Variants in PCDH11X observed in about 807,000 individuals in gnomAD.
PCDH11X encodes protocadherin-11 X-linked.
In PCDH11X, 18 loss-of-function variants were observed where a neutral mutation model predicts 53.3. That is an observed-to-expected ratio of 0.34 (90% CI 0.23 to 0.50). The LOEUF (loss-of-function observed/expected upper bound fraction) is 0.50, where lower values mean the gene tolerates loss of function less well. PCDH11X is among the 20% of genes least tolerant of loss of function. The probability of loss-of-function intolerance (pLI) is 0.98; values close to 1 mark genes in which losing one functional copy is unlikely to be tolerated. For synonymous variants in PCDH11X, 279 were observed against 393.3 expected (o/e 0.71, Z 3.44); for missense variants, 570 against 1,032.4 (o/e 0.55, Z 6.14).
chrX:91,918,802 T>A (rs1290871625), intron 6 of PCDH11X, among the ~76,000 whole-genome samples: 7 of 111,360 alleles, frequency 6.3e-5, no homozygotes, highest in Non-Finnish European at 1.9e-5. Context: ...TTTTAAAAAA[T>A]TTTTATGAGC....
chrX:92,555,698 G>A (rs1305822880), intron 10 of PCDH11X, among the ~76,000 whole-genome samples: 2 of 111,068 alleles, frequency 1.8e-5, no homozygotes, highest in Non-Finnish European at 3.8e-5. Context: ...GATAGCACTT[G>A]CATTACCATC....
At chrX:92,246,597 T>C (rs56933215) in intron 7 of PCDH11X, among the ~76,000 whole-genome samples, 14,548 of 110,922 alleles carry the variant, frequency 0.13, 1,572 homozygotes, top group African/African-American at 0.35. Flanking sequence ...GTGATCCACC[T>C]GCCTCAGCCT....
At chrX:91,924,630 CTT>C (rs1470035149) in intron 6 of PCDH11X, among the ~76,000 whole-genome samples, 1 of 111,861 alleles carries the variant, frequency 8.9e-6, no homozygotes, top group Admixed American at 9.5e-5. Flanking sequence ...TAATTTTTGA[CTT>C]TTAACCTATT....
rs3900264 is a variant in PCDH11X, at chrX:91,847,328, A to G, written c.540+11284A>G. Among the ~76,000 whole-genome samples, 127 of 110,664 alleles carry G rather than the reference A, an allele frequency of 1.1e-3. 1 individual carries two copies. The highest frequency in any genetic ancestry group is 3.8e-4 in the Non-Finnish European group (20 of 52,969). ...CTACAGGCTAGCACTACCAGGCCCA[A>G]CGTTTTTTGTACATTTTTTAATATG... On this transcript the variant is annotated intron_variant, in intron 5 of 10. Transcript: ENST00000682573.
chrX:92,593,358 C>T (rs1489272234), intron 10 of PCDH11X, among the ~76,000 whole-genome samples: 3 of 111,589 alleles, frequency 2.7e-5, no homozygotes, highest in Non-Finnish European at 5.6e-5. Flanking sequence ...CAATGTTATA[C>T]GTGGTTAAAA....
chrX:92,224,825 A>C (rs764995924), intron 7 of PCDH11X, among the ~76,000 whole-genome samples: 1 of 112,544 alleles, frequency 8.9e-6, no homozygotes, highest in Non-Finnish European at 1.9e-5. Context: ...CAACCTTTTA[A>C]AATTTACACT....
chrX:92,149,761 C>G (rs1373462468), intron 6 of PCDH11X, among the ~76,000 whole-genome samples: 1 of 110,443 alleles, frequency 9.1e-6, no homozygotes, highest in African/African-American at 3.3e-5. Context: ...TTGCCTTCAC[C>G]CTGACCCAAA....
chrX:92,518,441 AGTGAAT>A (rs1219612224), intron 10 of PCDH11X, among the ~76,000 whole-genome samples: 1 of 111,982 alleles, frequency 8.9e-6, no homozygotes, highest in African/African-American at 3.2e-5. Flanking sequence ...AACTCAATCC[AGTGAAT>A]GTTAAGGAGT....
chrX:91,839,576 C>A (rs769887958), intron 5 of PCDH11X, among the ~76,000 whole-genome samples: 1 of 108,064 alleles, frequency 9.3e-6, no homozygotes, highest in South Asian at 4.0e-4. Context: ...TGCAATCCAG[C>A]CCAGGTAACA....
intron 6 of PCDH11X, among the ~76,000 whole-genome samples, chrX:91,991,820 CT>C (rs35369253): frequency 5.2e-4 from 53 of 100,969 alleles, no homozygotes; most frequent in African/African-American, 1.2e-3. Context: ...TTTTTAATTT[CT>C]TTTTTTTTTG....
intron 6 of PCDH11X, among the ~76,000 whole-genome samples, chrX:92,148,173 C>CTTCCTTCCTTCCTTCT (rs1321815793): frequency 1.2e-4 from 1 of 8,391 alleles, no homozygotes; most frequent in East Asian, 2.8e-3. Flanking sequence ...TCCTTCCTTC[C>CTTCCTTCCTTCCTTCT]TTCTTTCTTT....
chrX:92,030,452 G>A (rs927383716), intron 6 of PCDH11X, among the ~76,000 whole-genome samples: 5 of 107,666 alleles, frequency 4.6e-5, no homozygotes, highest in African/African-American at 1.0e-4. Context: ...TCAAAATAGG[G>A]CATCTATCCC....
rs1315724634 is a variant in PCDH11X at position 92,054,879 on chromosome X, A to G, written c.3034-146496A>G. ...AGAAAAGAAAAAGTAACCACAGTGT[A>G]ATGTTTAATTTAGCCTTTGAAACTG... On this transcript the variant is annotated intron_variant, in intron 6 of 10. Transcript: ENST00000682573. 2.9e-5 allele frequency among the ~76,000 whole-genome samples: 3 copies of G among 103,583 alleles called. 1 individual carries two copies. In the Admixed American group the frequency reaches 3.2e-4, roughly 11 times the overall value. 89.9% of individuals were successfully genotyped at this position (103,583 alleles called of 115,157 possible).
At chrX:91,944,062 T>TGTGTGTGTGTGTGTG (rs1338001937) in intron 6 of PCDH11X, among the ~76,000 whole-genome samples, 2 of 84,758 alleles carry the variant, frequency 2.4e-5, no homozygotes, top group African/African-American at 4.1e-5. Flanking sequence ...TGTGTGTGTG[T>TGTGTGTGTGTGTGTG]TCGCTTGCTC....
intron 9 of PCDH11X, among the ~76,000 whole-genome samples, chrX:92,456,514 T>C (rs1299017985): frequency 9.0e-6 from 1 of 111,123 alleles, no homozygotes; most frequent in Non-Finnish European, 1.9e-5. Flanking sequence ...ACTCTCCTTT[T>C]ACAAATACCA....
intron 4 of PCDH11X, among the ~76,000 whole-genome samples, chrX:91,825,560 C>G (rs1756872912): frequency 9.0e-6 from 1 of 111,399 alleles, no homozygotes; most frequent in African/African-American, 3.3e-5. Flanking sequence ...CACCCACTGA[C>G]CTGCGCCCAC....
intron 9 of PCDH11X, among the ~76,000 whole-genome samples, chrX:92,457,736 C>T (rs1401319013): frequency 9.1e-6 from 1 of 109,588 alleles, no homozygotes; most frequent in Admixed American, 9.8e-5. Flanking sequence ...ATAAACATCA[C>T]TATCTTTCTC....
At chrX:92,595,101 T>C (rs891992438) in intron 10 of PCDH11X, among the ~76,000 whole-genome samples, 5 of 110,323 alleles carry the variant, frequency 4.5e-5, no homozygotes, top group African/African-American at 1.6e-4. Context: ...TATTTTACCA[T>C]GGCATTGAAT....
At chrX:91,852,708 A>G (rs1413388284) in intron 5 of PCDH11X, among the ~76,000 whole-genome samples, 1 of 111,043 alleles carries the variant, frequency 9.0e-6, no homozygotes, top group Non-Finnish European at 1.9e-5. Flanking sequence ...GCACTGCAGG[A>G]AGTTTGGCAG....
Sources: allele counts gnomAD v4.1 joint callset (sites outside exome capture counted in the v4.1 genomes callset), GRCh38; gene constraint gnomAD v4.1.1; transcripts MANE v1.5; gene names NCBI Gene and HGNC (gene_info 2026-07-23, HGNC 2026-07-21).